ABL1: variants seen among roughly 807,000 people sequenced by gnomAD.
The protein encoded by ABL1 is ABL proto-oncogene 1, non-receptor tyrosine kinase.
A neutral mutation model predicts 94.7 loss-of-function variants in ABL1; 11 were observed. The ratio of observed to expected loss-of-function variants is 0.12; its 90% CI spans 0.07 to 0.19. ABL1 has a LOEUF of 0.19. ABL1 is among the 10% of genes least tolerant of loss of function. The pLI is 1.00. For synonymous variants in ABL1, 656 were observed against 622.4 expected (o/e 1.05, Z -0.80); for missense variants, 1,082 against 1,489.4 (o/e 0.73, Z 4.50).
At position 130,850,351 on chromosome 9, in the gene ABL1, A is replaced by G. The variant is rs541113311; in HGVS notation, c.80-3713A>G. Among the ~76,000 whole-genome samples, 25 of 148,028 alleles carry G rather than the reference A, an allele frequency of 1.7e-4. 1 individual carries two copies. In the South Asian group the frequency reaches 5.3e-3, roughly 31 times the overall value. ...GTAAATGATTGGAATGAATTACAGAAATCTAGAAAGCTTTGACAGTGGGAA... is the reference window on the plus strand; with the variant it reads ...GTAAATGATTGGAATGAATTACAGAGATCTAGAAAGCTTTGACAGTGGGAA... On this transcript the variant is annotated intron_variant, in intron 1 of 10. Coordinates refer to ENST00000318560, the MANE Select transcript of ABL1 (RefSeq NM_005157.6).
intron 3 of ABL1, among the ~76,000 whole-genome samples, chr9:130,856,374 C>T (rs1830975827): frequency 6.6e-6 from 1 of 152,190 alleles, no homozygotes; most frequent in Non-Finnish European, 1.5e-5. Context: ...AGGCGTGAGC[C>T]ACCACGCCTG....
At chr9:130,754,494 C>G (rs7046085) in intron 1 of ABL1, among the ~76,000 whole-genome samples, 1 of 131,508 alleles carries the variant, frequency 7.6e-6, no homozygotes, top group African/African-American at 3.0e-5. Context: ...GGCGACAGAG[C>G]GAGACTCCGT....
intron 1 of ABL1, among the ~76,000 whole-genome samples, chr9:130,838,449 G>T (rs1311977088): frequency 6.6e-6 from 1 of 152,140 alleles, no homozygotes; most frequent in African/African-American, 2.4e-5. Context: ...ATACTTGTAT[G>T]TAAGAAATCC....
intron 1 of ABL1, among the ~76,000 whole-genome samples, chr9:130,804,121 C>G (rs1371979737): frequency 2.0e-5 from 3 of 152,006 alleles, no homozygotes; most frequent in African/African-American, 7.3e-5. Flanking sequence ...CTTTGGGAGG[C>G]TGAGGCGGGT....
At chr9:130,776,982 C>G (rs966569765) in intron 1 of ABL1, among the ~76,000 whole-genome samples, 1 of 151,976 alleles carries the variant, frequency 6.6e-6, no homozygotes, top group Admixed American at 6.6e-5. Context: ...GTATTTTTCA[C>G]TTATTTTCTA....
intron 8 of ABL1, among the ~76,000 whole-genome samples, chr9:130,879,370 C>G (rs868506534): frequency 3.9e-5 from 6 of 152,188 alleles, no homozygotes; most frequent in African/African-American, 1.4e-4. Flanking sequence ...TGTATAGCTG[C>G]CCAGTACTCC....
At position 130,870,274 on chromosome 9, in the gene ABL1, T is replaced by C. The variant is rs373081805; in HGVS notation, c.823-1855T>C. 2.3e-4 allele frequency among the ~76,000 whole-genome samples: 35 copies of C among 152,192 alleles called. 1 individual carries two copies. The East Asian group carries it at 4.6e-3, about 20-fold the overall frequency. On this transcript the variant is annotated intron_variant, in intron 4 of 10. Coordinates refer to ENST00000318560, the MANE Select transcript of ABL1 (RefSeq NM_005157.6). ...GAGACAGATGAGAAGAGGGCTGCCT[T>C]TGAGAGCCATGTTCCTTTTGCATGT...
intron 1 of ABL1, among the ~76,000 whole-genome samples, chr9:130,769,032 T>G (rs1832219208): frequency 1.3e-5 from 2 of 152,078 alleles, no homozygotes; most frequent in South Asian, 4.1e-4. Context: ...GTGGAATGGA[T>G]CGGGGTGGGT....
chr9:130,733,575 C>CT (rs35185474), intron 1 of ABL1, among the ~76,000 whole-genome samples: 1,843 of 103,080 alleles, frequency 0.018, 99 homozygotes, highest in African/African-American at 0.04. Context: ...CTGTAAAGCA[C>CT]TTTTTTTTTT....
intron 1 of ABL1, among the ~76,000 whole-genome samples, chr9:130,809,686 C>A (rs1830180677): frequency 1.3e-5 from 2 of 152,152 alleles, no homozygotes; most frequent in African/African-American, 4.8e-5. Context: ...CTCTTTTACT[C>A]AGGAAAGGGT....
rs147244425 is a variant in ABL1 at position 130,787,356 on chromosome 9, T to TTG, written c.137-66695_137-66694dup. Among the ~76,000 whole-genome samples the TTG allele has an allele frequency of 4.5e-3, 676 of 151,736 alleles. 5 individuals carry two copies. Among genetic ancestry groups the TTG allele is most frequent in the African/African-American group, 0.015 (628 of 41,366 alleles). The stretch of plus-strand genomic sequence containing the variant: ...TGGACTCTGCCTTCTGTGTGTGTGT[T>TTG]TGTGTGTGTGTGTGGTGTGAGCTCC... On this transcript the variant is annotated intron_variant, in intron 1 of 10. Transcript: ENST00000372348.
chr9:130,884,403 G>A lies in ABL1; in HGVS notation c.2113G>A (p.Gly705Ser), dbSNP rs1462418303. 6.2e-7 allele frequency: 1 copy of A among 1,612,042 alleles called. No individual in the cohort carries two copies. The highest frequency in any genetic ancestry group is 1.7e-5 in the Admixed American group (1 of 59,974). ...CCGCCTAGCCACCGGCGAGGAGGAG[G>A]GCGGTGGCAGCTCCAGCAAGCGCTT... is the stretch of plus-strand genomic sequence containing the variant. ...SSRLATGEEEGGGSSSKRFLR... is the reference protein window; with the variant it reads ...SSRLATGEEESGGSSSKRFLR... The change falls in exon 11 of 11, where the codon GGC becomes AGC. Residue 705 changes from glycine (G) to serine (S), a missense_variant. By Grantham distance (56) the Gly-to-Ser change is moderately conservative (BLOSUM62 0). Coordinates refer to ENST00000318560, the MANE Select transcript of ABL1 (RefSeq NM_005157.6). The surrounding 1 kb of genome is among the most constrained non-coding windows in gnomAD (Gnocchi z 5.6).
At position 130,872,072 on chromosome 9, in the gene ABL1, T is replaced by TAG; in HGVS notation, c.823-56_823-55insGA. 6.6e-7 allele frequency: 1 copy of TAG among 1,525,906 alleles called. No homozygotes were observed. Among genetic ancestry groups the TAG allele is most frequent in the Admixed American group, 1.7e-5 (1 of 58,800 alleles). 94.5% of individuals were successfully genotyped at this position (1,525,906 alleles called of 1,614,324 possible). On this transcript the variant is annotated intron_variant, in intron 4 of 10. Transcript: ENST00000318560. This position sits in a 1 kb window ranked among gnomAD's most constrained non-coding sequence, Gnocchi z 5.0. ...ATTTTGCATTAACTAGTCAAGTACT[T>TAG]ACCCACTGAAAAGCACTTCCTGAAA... is the stretch of plus-strand genomic sequence containing the variant.
chr9:130,714,429 C>T, exon 1 of ABL1: 1 of 1,614,124 alleles, frequency 6.2e-7, no homozygotes, highest in African/African-American at 1.3e-5. Flanking sequence ...CATGGGGGTC[C>T]ACACTGCAAT....
At chr9:130,765,222 T>A (rs1214836483) in intron 1 of ABL1, among the ~76,000 whole-genome samples, 1 of 152,106 alleles carries the variant, frequency 6.6e-6, no homozygotes, top group Non-Finnish European at 1.5e-5. Context: ...GGCGAGGAGG[T>A]CCATATCCTT....
At chr9:130,748,579 C>T (rs2791733) in intron 1 of ABL1, among the ~76,000 whole-genome samples, 124 of 148,648 alleles carry the variant, frequency 8.3e-4, no homozygotes, top group Admixed American at 2.5e-3. Context: ...TGCCTAGCTA[C>T]TTTTTTTTTT....
chr9:130,851,845 C>T (rs902570431), intron 1 of ABL1, among the ~76,000 whole-genome samples: 5 of 148,858 alleles, frequency 3.4e-5, no homozygotes, highest in African/African-American at 1.2e-4. Flanking sequence ...CGGCTCACTG[C>T]AGCCTCACCT....
chr9:130,769,035 G>A (rs995821905), intron 1 of ABL1, among the ~76,000 whole-genome samples: 6 of 152,154 alleles, frequency 3.9e-5, no homozygotes, highest in African/African-American at 4.8e-5. Context: ...GAATGGATCG[G>A]GGTGGGTATG....
At chr9:130,753,222 A>G (rs555973646) in intron 1 of ABL1, among the ~76,000 whole-genome samples, 7 of 151,616 alleles carry the variant, frequency 4.6e-5, no homozygotes, top group African/African-American at 1.7e-4. Context: ...GCGCCACTGC[A>G]CTCCAGCCTG....
Sources: allele counts gnomAD v4.1 joint callset (sites outside exome capture counted in the v4.1 genomes callset), GRCh38; gene constraint gnomAD v4.1.1; non-coding constraint Gnocchi (gnomAD v3.1); transcripts MANE v1.5; gene names NCBI Gene and HGNC (gene_info 2026-07-23, HGNC 2026-07-21).